SPAG16: variants seen among roughly 807,000 people sequenced by gnomAD.
SPAG16 encodes sperm-associated antigen 16 protein.
A neutral mutation model predicts 80.4 loss-of-function variants in SPAG16; 86 were observed. The observed-to-expected ratio is 1.07, with a 90% CI of 0.90 to 1.28. The LOEUF (loss-of-function observed/expected upper bound fraction) is 1.28. Among genes scored for constraint, SPAG16 ranks in the 50% most tolerant of loss-of-function variants. SPAG16 has a pLI of 0.00. For missense variants in SPAG16, 870 were observed against 765.3 expected, an observed-to-expected ratio of 1.14 and a Z score of -1.61; for synonymous variants, 294 against 265.9, an observed-to-expected ratio of 1.11 and a Z score of -1.03.
intron 10 of SPAG16, among the ~76,000 whole-genome samples, chr2:213,552,564 T>TA (rs1460024254): frequency 6.6e-6 from 1 of 152,244 alleles, no homozygotes; most frequent in African/African-American, 2.4e-5. Flanking sequence ...CCAGAGCTGA[T>TA]ATAATTTATT....
At chr2:213,747,894 A>G (rs182139813) in intron 10 of SPAG16, among the ~76,000 whole-genome samples, 104 of 152,370 alleles carry the variant, frequency 6.8e-4, no homozygotes, top group African/African-American at 2.4e-3. Flanking sequence ...TCTTGCCACA[A>G]TAAAACATAT....
In SPAG16 at chr2:213,780,704, G is replaced by A. The variant is rs185443341; in HGVS notation, c.1071-81781G>A. Among the ~76,000 whole-genome samples, 152 of 150,216 alleles carry A rather than the reference G, an allele frequency of 1.0e-3. 1 individual carries two copies. The highest frequency in any genetic ancestry group is 3.4e-3 in the African/African-American group (141 of 41,024). On this transcript the variant is annotated intron_variant, in intron 10 of 15. Coordinates refer to ENST00000331683, the MANE Select transcript of SPAG16 (RefSeq NM_024532.5). Reference sequence around the variant, plus strand: ...GTATTTGCAAAGGAGAATAATTTATGTACTATTACCTTTGTTTCCTTCTTA... The same window carrying A: ...GTATTTGCAAAGGAGAATAATTTATATACTATTACCTTTGTTTCCTTCTTA...
At chr2:213,479,116 T>C (rs987324906) in intron 9 of SPAG16, among the ~76,000 whole-genome samples, 145 of 148,522 alleles carry the variant, frequency 9.8e-4, no homozygotes, top group Non-Finnish European at 1.8e-3. Flanking sequence ...TTTTTTTTTT[T>C]TTGTAAAATG....
intron 1 of SPAG16, among the ~76,000 whole-genome samples, chr2:213,287,782 A>C (rs1219451473): frequency 6.6e-6 from 1 of 152,068 alleles, no homozygotes; most frequent in Non-Finnish European, 1.5e-5. Flanking sequence ...AAAATTAAGG[A>C]CTCTAGACCC....
chr2:214,408,047 T>C (rs1347040215), intron 15 of SPAG16, among the ~76,000 whole-genome samples: 1 of 152,140 alleles, frequency 6.6e-6, no homozygotes, highest in Non-Finnish European at 1.5e-5. Flanking sequence ...AAAAACAAAT[T>C]TTTGGAACAC....
chr2:213,291,332 C>T (rs548585591), intron 1 of SPAG16, among the ~76,000 whole-genome samples: 5 of 152,240 alleles, frequency 3.3e-5, no homozygotes, highest in East Asian at 1.9e-4. Flanking sequence ...TAAACAGATG[C>T]GTACAAACAT....
intron 10 of SPAG16, among the ~76,000 whole-genome samples, chr2:213,533,645 A>G (rs2076147839): frequency 6.6e-6 from 1 of 152,082 alleles, no homozygotes; most frequent in East Asian, 1.9e-4. Flanking sequence ...TTTCACCTGT[A>G]TTTTTTAGGA....
chr2:213,422,288 G>A lies in SPAG16; in HGVS notation c.942+47169G>A, dbSNP rs1432720765. 8 of 701,956 alleles carry A rather than the reference G, an allele frequency of 1.1e-5. No individual in the cohort carries two copies. In the African/African-American group the frequency reaches 1.4e-4, roughly 12 times the overall value. The allele number at this position is 701,956 out of a possible 1,614,324, so 43.5% of individuals were successfully genotyped here. A position where few individuals can be genotyped will look rare whatever the true frequency, so the allele number is the denominator to read the frequency against. ...ACTGAATTCTCATCCAGATTTGGGT[G>A]CCCACAGCAGAAGTTGCTTGGAGTG... On this transcript the variant is annotated intron_variant, in intron 9 of 15. Coordinates refer to ENST00000331683, the MANE Select transcript of SPAG16 (RefSeq NM_024532.5).
At chr2:214,081,507 T>C (rs1004310679) in intron 13 of SPAG16, among the ~76,000 whole-genome samples, 18 of 152,106 alleles carry the variant, frequency 1.2e-4, no homozygotes, top group Non-Finnish European at 2.5e-4. Flanking sequence ...GAGAATGCCA[T>C]ATAAAGACAG....
In SPAG16 at chr2:213,789,328, T is replaced by G. The variant is rs543043294; in HGVS notation, c.1071-73157T>G. 2.6e-5 allele frequency among the ~76,000 whole-genome samples: 4 copies of G among 152,096 alleles called. No individual in the cohort carries two copies. In the East Asian group the frequency reaches 7.7e-4, roughly 29 times the overall value. On this transcript the variant is annotated intron_variant, in intron 10 of 15. Transcript: ENST00000331683. ...TGTTTTATCAGCATTTTAATAAATT[T>G]GACTTCAGTCATTTATGTGCTTTAT... is the stretch of plus-strand genomic sequence containing the variant.
chr2:213,617,823 A>C (rs1436040419), intron 10 of SPAG16, among the ~76,000 whole-genome samples: 8 of 152,102 alleles, frequency 5.3e-5, no homozygotes, highest in Admixed American at 5.2e-4. Context: ...AAAAAAATAA[A>C]ATGAATAAGT....
intron 10 of SPAG16, among the ~76,000 whole-genome samples, chr2:213,702,944 C>T (rs1331157405): frequency 2.6e-5 from 4 of 152,124 alleles, no homozygotes; most frequent in Non-Finnish European, 2.9e-5. Flanking sequence ...AGTGTTCATC[C>T]ACGCGCTCTA....
rs1470381573 is a variant in SPAG16 at position 213,960,565 on chromosome 2, G to T, written c.1400+30420G>T. ...TTTTTAAAAATTATTTTGGTTTATT[G>T]TTTTTGTTTTCCTATTGTTGTAGGC... On this transcript the variant is annotated intron_variant, in intron 12 of 15. Coordinates refer to ENST00000331683, the MANE Select transcript of SPAG16 (RefSeq NM_024532.5). Among the ~76,000 whole-genome samples the T allele has an allele frequency of 2.6e-5, 4 of 151,996 alleles. No homozygotes were observed. The South Asian group carries it at 8.3e-4, about 32-fold the overall frequency.
At chr2:214,260,552 C>CTTTA (rs386392535) in intron 15 of SPAG16, among the ~76,000 whole-genome samples, 2 of 151,686 alleles carry the variant, frequency 1.3e-5, no homozygotes, top group African/African-American at 4.8e-5. Context: ...TCTATTATTT[C>CTTTA]TTTGGTTATT....
intron 15 of SPAG16, among the ~76,000 whole-genome samples, chr2:214,348,571 C>A (rs907560733): frequency 6.6e-6 from 1 of 152,060 alleles, no homozygotes; most frequent in African/African-American, 2.4e-5. Flanking sequence ...CCTGAGCTGC[C>A]ACATAAGAAG....
At chr2:213,762,861 G>A (rs2068735238) in intron 10 of SPAG16, among the ~76,000 whole-genome samples, 1 of 152,084 alleles carries the variant, frequency 6.6e-6, no homozygotes, top group Non-Finnish European at 1.5e-5. Flanking sequence ...ACGGAATGGG[G>A]GAAAGTATTT....
intron 15 of SPAG16, among the ~76,000 whole-genome samples, chr2:214,229,017 C>G (rs1688497216): frequency 1.3e-5 from 2 of 151,790 alleles, no homozygotes; most frequent in African/African-American, 4.8e-5. Context: ...AATTATGTTA[C>G]ATAGTTTCTG....
intron 11 of SPAG16, among the ~76,000 whole-genome samples, chr2:213,928,430 C>T (rs563201789): frequency 2.0e-5 from 3 of 152,158 alleles, no homozygotes; most frequent in African/African-American, 7.2e-5. Context: ...AGAATATCCT[C>T]ATTATATAAT....
At chr2:214,265,244 G>T (rs1377552626) in intron 15 of SPAG16, among the ~76,000 whole-genome samples, 1 of 152,008 alleles carries the variant, frequency 6.6e-6, no homozygotes, top group Non-Finnish European at 1.5e-5. Context: ...GTTCCTGTTG[G>T]CTCCACATTC....
Sources: gnomAD v4.1 joint callset for allele counts (sites outside exome capture counted in the v4.1 genomes callset) on GRCh38, gnomAD v4.1.1 for gene constraint, MANE v1.5 for transcripts, NCBI Gene and HGNC (gene_info 2026-07-23, HGNC 2026-07-21) for gene names.